The following NYAP2 variants were observed in gnomAD, a reference collection of about 807,000 sequenced individuals.
NYAP2 encodes the protein neuronal tyrosine-phosphorylated phosphoinositide-3-kinase adapter 2.
NYAP2 carries 23 observed loss-of-function variants against 50.4 expected under a neutral mutation model. The observed-to-expected ratio is 0.46, with a 90% CI of 0.33 to 0.65. The LOEUF (loss-of-function observed/expected upper bound fraction) is 0.65, where lower values mean the gene tolerates loss of function less well. Among genes scored for constraint, NYAP2 ranks in the 30% least tolerant of loss-of-function variants. NYAP2 has a pLI of 0.02. For synonymous variants in NYAP2, 394 were observed against 365.2 expected, an observed-to-expected ratio of 1.08 and a Z score of -0.90; for missense variants, 885 against 861.0, an observed-to-expected ratio of 1.03 and a Z score of -0.35.
chr2:225,417,700 A>G (rs1695148269), intron 3 of NYAP2, among the ~76,000 whole-genome samples: 1 of 152,170 alleles, frequency 6.6e-6, no homozygotes, highest in African/African-American at 2.4e-5. Context: ...TAAAAAATGA[A>G]GTGGTTCAGC....
At chr2:225,577,345 T>C (rs1692185106) in intron 4 of NYAP2, among the ~76,000 whole-genome samples, 1 of 152,220 alleles carries the variant, frequency 6.6e-6, no homozygotes, top group Non-Finnish European at 1.5e-5. Context: ...TTTGGTTAAA[T>C]TGAAATTTGC....
chr2:225,460,939 G>T (rs1462461521), intron 3 of NYAP2, among the ~76,000 whole-genome samples: 1 of 143,208 alleles, frequency 7.0e-6, no homozygotes, highest in Admixed American at 7.5e-5. Flanking sequence ...CTTGCAGTGA[G>T]CCGAAATCGC....
At chr2:225,497,791 A>T (rs113521468) in intron 3 of NYAP2, among the ~76,000 whole-genome samples, 1,536 of 152,254 alleles carry the variant, frequency 0.01, 32 homozygotes, top group African/African-American at 0.034. Flanking sequence ...TGTGTGTGTG[A>T]TCTATAGTGT....
At chr2:225,645,070 G>A (rs1693605163) in intron 6 of NYAP2, among the ~76,000 whole-genome samples, 1 of 152,050 alleles carries the variant, frequency 6.6e-6, no homozygotes, top group Non-Finnish European at 1.5e-5. Context: ...GACCAGCTTG[G>A]CCAACATGGT....
chr2:225,620,421 GCACACGCACGCA>G (rs1430544978), intron 5 of NYAP2, among the ~76,000 whole-genome samples: 16 of 29,470 alleles, frequency 5.4e-4, no homozygotes, highest in African/African-American at 7.8e-4. Context: ...ACACATGCAC[GCACACGCACGCA>G]CACACGCACG....
chr2:225,501,589 G>A (rs577914610), intron 3 of NYAP2, among the ~76,000 whole-genome samples: 4 of 152,242 alleles, frequency 2.6e-5, no homozygotes, highest in Non-Finnish European at 4.4e-5. Context: ...TGGCCGTTGG[G>A]ATATCTGAAA....
chr2:225,420,112 T>A (rs1695192346), intron 3 of NYAP2, among the ~76,000 whole-genome samples: 1 of 152,230 alleles, frequency 6.6e-6, no homozygotes, highest in Non-Finnish European at 1.5e-5. Flanking sequence ...ATTAAACATT[T>A]GTCAAATCAG....
intron 5 of NYAP2, among the ~76,000 whole-genome samples, chr2:225,598,222 G>A (rs1692637967): frequency 6.6e-6 from 1 of 152,140 alleles, no homozygotes; most frequent in African/African-American, 2.4e-5. Context: ...TGAGCAGCAT[G>A]ACACCATGAT....
In NYAP2 at chr2:225,442,071, T is replaced by C. The variant is rs112191605; in HGVS notation, c.221+32970T>C. On this transcript the variant is annotated intron_variant, in intron 3 of 6. Transcript: ENST00000636099. ...AGTCTGTGGAAATAAAGTTGTTGTC[T>C]GATAATTTTATTATATTAACATTCA... 5.0e-3 allele frequency among the ~76,000 whole-genome samples: 765 copies of C among 152,356 alleles called. 6 individuals carry two copies. The highest frequency in any genetic ancestry group is 0.017 in the African/African-American group (717 of 41,570).
chr2:225,600,624 AG>A (rs1441491388), intron 5 of NYAP2, among the ~76,000 whole-genome samples: 2 of 152,234 alleles, frequency 1.3e-5, no homozygotes, highest in African/African-American at 4.8e-5. Context: ...TCACTGTCTC[AG>A]TTACAGCTTT....
At chr2:225,431,483 T>C (rs1055364931) in intron 3 of NYAP2, among the ~76,000 whole-genome samples, 1 of 152,238 alleles carries the variant, frequency 6.6e-6, no homozygotes, top group Non-Finnish European at 1.5e-5. Flanking sequence ...TAATTAATGA[T>C]TCTTGTGATT....
At chr2:225,660,603 A>G in the NYAP2 span, among the ~76,000 whole-genome samples, 3 of 152,140 alleles carry the variant, frequency 2.0e-5, no homozygotes, top group Admixed American at 2.0e-4. Flanking sequence ...GGGCCAACTC[A>G]GCCTGTGGAA....
intron 2 of NYAP2, among the ~76,000 whole-genome samples, chr2:225,401,455 A>G (rs895804415): frequency 1.3e-5 from 2 of 152,024 alleles, no homozygotes; most frequent in African/African-American, 4.8e-5. Flanking sequence ...TGAGAGCCCA[A>G]TTTTACATTC....
At chr2:225,660,325 C>T in the NYAP2 span, among the ~76,000 whole-genome samples, 1 of 152,034 alleles carries the variant, frequency 6.6e-6, no homozygotes, top group African/African-American at 2.4e-5. Flanking sequence ...GCCCCCAATA[C>T]TACTTACTCA....
At chr2:225,515,733 T>C (rs574162176) in intron 4 of NYAP2, among the ~76,000 whole-genome samples, 16 of 152,306 alleles carry the variant, frequency 1.1e-4, no homozygotes, top group African/African-American at 3.8e-4. Context: ...TTATTTTCTG[T>C]GATTCTCTGT....
At chr2:225,473,041 G>T (rs1404350475) in intron 3 of NYAP2, among the ~76,000 whole-genome samples, 1 of 152,114 alleles carries the variant, frequency 6.6e-6, no homozygotes, top group Non-Finnish European at 1.5e-5. Context: ...TCCCACATAT[G>T]AGTGAGAACA....
chr2:225,529,968 A>G (rs1162841654), intron 4 of NYAP2, among the ~76,000 whole-genome samples: 1 of 152,046 alleles, frequency 6.6e-6, no homozygotes, highest in Non-Finnish European at 1.5e-5. Context: ...TGGCCTCCCA[A>G]AGTGTTGGGA....
At chr2:225,406,628 A>G (rs1490563192) in intron 2 of NYAP2, among the ~76,000 whole-genome samples, 1 of 151,978 alleles carries the variant, frequency 6.6e-6, no homozygotes, top group Non-Finnish European at 1.5e-5. Context: ...GCATGTGTAC[A>G]AACATTTATT....
chr2:225,526,019 T>C (rs1450106038), intron 4 of NYAP2, among the ~76,000 whole-genome samples: 1 of 152,144 alleles, frequency 6.6e-6, no homozygotes, highest in Admixed American at 6.6e-5. Context: ...GTTTTATAAC[T>C]GCAAGGAACT....
Sources: gnomAD v4.1 joint callset for allele counts (sites outside exome capture counted in the v4.1 genomes callset) on GRCh38, gnomAD v4.1.1 for gene constraint, MANE v1.5 for transcripts, NCBI Gene and HGNC (gene_info 2026-07-23, HGNC 2026-07-21) for gene names.